The following OMA1 variants were observed in gnomAD, a reference collection of about 807,000 sequenced individuals.
The protein encoded by OMA1 is OMA1 zinc metallopeptidase, also known as metalloendopeptidase OMA1, mitochondrial.
Under a neutral mutation model 30.9 loss-of-function variants are expected in OMA1, and 38 were observed. The ratio of observed to expected loss-of-function variants is 1.23; its 90% CI spans 0.95 to 1.61. The LOEUF is 1.61. OMA1 is among the 40% of genes most tolerant of loss of function. The pLI, the probability that OMA1 is intolerant of heterozygous loss-of-function variation, is 0.00. For synonymous variants in OMA1, 173 were observed against 121.9 expected, an observed-to-expected ratio of 1.42 and a Z score of -2.76; for missense variants, 461 against 349.2, an observed-to-expected ratio of 1.32 and a Z score of -2.55.
intron 8 of OMA1, among the ~76,000 whole-genome samples, chr1:58,487,502 T>C (rs557469052): frequency 2.0e-5 from 3 of 152,356 alleles, no homozygotes; most frequent in East Asian, 3.9e-4. Context: ...CTTAATAACA[T>C]ACCTTTCTAC....
intron 7 of OMA1, among the ~76,000 whole-genome samples, chr1:58,525,926 A>G (rs72672235): frequency 0.027 from 4,034 of 152,198 alleles, 78 homozygotes; most frequent in Admixed American, 0.038. Flanking sequence ...TTTATGACAA[A>G]GAGACACTGA....
chr1:58,487,050 G>A lies in OMA1; in HGVS notation c.1366-5876C>T, dbSNP rs567794284. The stretch of plus-strand genomic sequence containing the variant: ...AAAGGACATTACAATGATCACTCTG[G>A]CTACATATTGAAAATAGGTTGTTAG... On this transcript the variant is annotated intron_variant, in intron 8 of 8. Transcript: ENST00000371226. 7.2e-5 allele frequency among the ~76,000 whole-genome samples: 11 copies of A among 152,308 alleles called. No individual in the cohort carries two copies. The East Asian group carries it at 1.9e-3, about 27-fold the overall frequency.
At chr1:58,493,369 C>T (rs1456883696) in intron 8 of OMA1, among the ~76,000 whole-genome samples, 2 of 152,212 alleles carry the variant, frequency 1.3e-5, no homozygotes, top group East Asian at 3.9e-4. Flanking sequence ...GACAGGGATG[C>T]CCTCTCTCAC....
chr1:58,526,560 TTAAA>T (rs768694223), intron 7 of OMA1, among the ~76,000 whole-genome samples: 4 of 142,524 alleles, frequency 2.8e-5, no homozygotes, highest in Non-Finnish European at 6.1e-5. Flanking sequence ...CAAAGTCAAC[TTAAA>T]TAAAAGTAAA....
At chr1:58,535,621 A>G (rs1172636958) in intron 3 of OMA1, among the ~76,000 whole-genome samples, 1 of 149,106 alleles carries the variant, frequency 6.7e-6, no homozygotes, top group East Asian at 2.0e-4. Context: ...AAAAAGATTC[A>G]GCCATGCCAA....
chr1:58,518,989 T>C (rs1646217191), intron 7 of OMA1, among the ~76,000 whole-genome samples: 1 of 152,172 alleles, frequency 6.6e-6, no homozygotes, highest in African/African-American at 2.4e-5. Context: ...GAAAGCAGAT[T>C]CTCAAACTTG....
intron 7 of OMA1, among the ~76,000 whole-genome samples, chr1:58,509,233 T>A (rs1032350262): frequency 1.3e-5 from 2 of 152,046 alleles, no homozygotes; most frequent in Admixed American, 1.3e-4. Flanking sequence ...AAGAGAAATA[T>A]ATTACTTATC....
intron 7 of OMA1, among the ~76,000 whole-genome samples, chr1:58,520,020 T>C (rs1435783370): frequency 6.6e-6 from 1 of 152,168 alleles, no homozygotes; most frequent in Non-Finnish European, 1.5e-5. Context: ...TTGCATGTTC[T>C]CACTCATAAG....
chr1:58,518,375 GAAGAA>G (rs904860543), intron 7 of OMA1, among the ~76,000 whole-genome samples: 6 of 148,578 alleles, frequency 4.0e-5, no homozygotes, highest in African/African-American at 1.5e-4. Context: ...GAAGAGAAGG[GAAGAA>G]AAGAAAAGAA....
At chr1:58,481,282 AT>A (rs1361627273) in intron 8 of OMA1, 108 bp from the exon 9 acceptor site, 2 of 426,132 alleles carry the variant, frequency 4.7e-6, no homozygotes, top group African/African-American at 2.0e-5. Flanking sequence ...ATGTATTGTT[AT>A]TTTTTTAATA....
intron 1 of OMA1, 42 bp from the exon 2 acceptor site, chr1:58,539,352 T>C: frequency 1.3e-6 from 1 of 747,754 alleles, no homozygotes; most frequent in South Asian, 1.7e-5. Flanking sequence ...GGAAAATATT[T>C]ACTTACCAAA....
intron 8 of OMA1, among the ~76,000 whole-genome samples, chr1:58,502,133 C>T (rs981948867): frequency 3.3e-5 from 5 of 152,124 alleles, no homozygotes; most frequent in African/African-American, 1.2e-4. Context: ...AGAAACAATA[C>T]ATTTTTGTGA....
At chr1:58,535,133 C>A (rs1242110172) in intron 3 of OMA1, among the ~76,000 whole-genome samples, 1 of 152,142 alleles carries the variant, frequency 6.6e-6, no homozygotes, top group Non-Finnish European at 1.5e-5. Context: ...ACTGAATTCT[C>A]AGAACTAATG....
At chr1:58,509,680 G>A (rs1023008889) in intron 7 of OMA1, among the ~76,000 whole-genome samples, 6 of 147,824 alleles carry the variant, frequency 4.1e-5, no homozygotes, top group African/African-American at 1.5e-4. Flanking sequence ...AGAAAACAGA[G>A]AATAAAAAAA....
chr1:58,513,281 C>T (rs2100432564), intron 7 of OMA1, among the ~76,000 whole-genome samples: 1 of 152,274 alleles, frequency 6.6e-6, no homozygotes, highest in South Asian at 2.1e-4. Flanking sequence ...CCCCTTCCAC[C>T]ATGATTATAA....
chr1:58,534,156 A>G lies in OMA1; in HGVS notation c.903+2T>C, dbSNP rs1323377947. On this transcript the variant is annotated splice_donor_variant, in intron 4 of 8. Transcript: ENST00000371226. LOFTEE classifies it high-confidence loss of function. ...ACAATGCGTTTGAGAACATTTACTT[A>G]CTGGAAGCACGAAGGCATTAATAAT... is the stretch of plus-strand genomic sequence containing the variant. The G allele has an allele frequency of 2.3e-6, 2 of 870,070 alleles. No individual in the cohort carries two copies. Among genetic ancestry groups the G allele is most frequent in the African/African-American group, 3.3e-5 (2 of 61,194 alleles). The allele number at this position is 870,070 out of a possible 1,614,324, so 53.9% of individuals were successfully genotyped here. A position where few individuals can be genotyped will look rare whatever the true frequency, so the allele number is the denominator to read the frequency against.
chr1:58,527,179 T>C, intron 7 of OMA1, 82 bp downstream of exon 7: 1 of 800,766 alleles, frequency 1.2e-6, no homozygotes, highest in Non-Finnish European at 2.3e-6. Flanking sequence ...TCTCTGCTTA[T>C]GCCAAGCCTC....
chr1:58,505,860 T>C (rs1569909789), intron 8 of OMA1, among the ~76,000 whole-genome samples, 200 bp downstream of exon 8: 1 of 152,212 alleles, frequency 6.6e-6, no homozygotes, highest in African/African-American at 2.4e-5. Flanking sequence ...CAACTGTACA[T>C]AGTAATTTAT....
rs760905670 is a variant in OMA1 at position 58,536,587 on chromosome 1, T to C, written c.655A>G (p.Ile219Val). 4.0e-5 allele frequency: 35 copies of C among 872,782 alleles called. No homozygotes were observed. The highest frequency in any genetic ancestry group is 2.2e-4 in the Middle Eastern group (1 of 4,630). 54.1% of individuals were successfully genotyped at this position (872,782 alleles called of 1,614,324 possible). The part of the protein sequence containing the change: ...FYFTHLEVSP[I>V]TGRSKLLLLG... ...AATAGTAGCTTGCTCCTTCCTGTGA[T>C]TGGACTTACTTCCAGGTGAGTAAAA... Residue 219 changes from isoleucine to valine, a missense_variant, in exon 3 of 9, where the codon ATC (isoleucine) becomes GTC (valine). Transcript: ENST00000371226.
Sources: gnomAD v4.1 joint callset for allele counts (sites outside exome capture counted in the v4.1 genomes callset) on GRCh38, gnomAD v4.1.1 for gene constraint, MANE v1.5 for transcripts, NCBI Gene and HGNC (gene_info 2026-07-23, HGNC 2026-07-21) for gene names.